The following DACH1 variants were observed in gnomAD, a reference collection of about 807,000 sequenced individuals.
DACH1 encodes the protein dachshund homolog 1.
A neutral mutation model predicts 54.2 loss-of-function variants in DACH1; 12 were observed. That is an observed-to-expected ratio of 0.22 (90% CI 0.14 to 0.36). The LOEUF (loss-of-function observed/expected upper bound fraction) is 0.36. Among genes scored for constraint, DACH1 ranks in the 10% least tolerant of loss-of-function variants. DACH1 has a pLI of 1.00. For missense variants in DACH1, 805 were observed against 929.8 expected (o/e 0.87, Z 1.75); for synonymous variants, 386 against 366.2 (o/e 1.05, Z -0.62).
chr13:71,704,835 T>C (rs1442984265), intron 1 of DACH1, among the ~76,000 whole-genome samples: 2 of 152,108 alleles, frequency 1.3e-5, no homozygotes, highest in African/African-American at 4.8e-5. Context: ...CTGAAAGACA[T>C]GAGGTGGCTT....
chr13:71,727,277 A>G (rs1364467716), intron 1 of DACH1, among the ~76,000 whole-genome samples: 1 of 152,080 alleles, frequency 6.6e-6, no homozygotes. Context: ...TTTCCCTTGG[A>G]GCTGCCTGCT....
At chr13:71,769,613 A>G (rs1405344715) in intron 1 of DACH1, among the ~76,000 whole-genome samples, 1 of 151,698 alleles carries the variant, frequency 6.6e-6, no homozygotes. Context: ...GTAGTAAAAG[A>G]TACTTTTAAA....
At chr13:71,593,154 T>C (rs935035472) in intron 3 of DACH1, among the ~76,000 whole-genome samples, 9 of 152,162 alleles carry the variant, frequency 5.9e-5, no homozygotes, top group Non-Finnish European at 2.9e-5. Context: ...GGATTTATTT[T>C]TAATTTTATT....
chr13:71,562,883 G>A (rs1047850388), intron 4 of DACH1, among the ~76,000 whole-genome samples: 3 of 152,004 alleles, frequency 2.0e-5, no homozygotes, highest in African/African-American at 7.2e-5. Context: ...TAATTCAAAA[G>A]TTTAGTTGTG....
chr13:71,860,964 G>T (rs1016763815), intron 1 of DACH1, among the ~76,000 whole-genome samples: 1 of 151,884 alleles, frequency 6.6e-6, no homozygotes, highest in Non-Finnish European at 1.5e-5. Flanking sequence ...TGAATCACAC[G>T]TAGTAAATCG....
chr13:71,598,746 C>T (rs1454350270), intron 3 of DACH1, among the ~76,000 whole-genome samples: 1 of 152,168 alleles, frequency 6.6e-6, no homozygotes, highest in African/African-American at 2.4e-5. Flanking sequence ...TCAAATTGAA[C>T]TATCATTTAT....
chr13:71,644,538 A>G (rs1878136334), intron 2 of DACH1, among the ~76,000 whole-genome samples: 3 of 152,306 alleles, frequency 2.0e-5, no homozygotes, highest in South Asian at 2.1e-4. Context: ...CTGTGAGACA[A>G]GGAAGAAGCA....
intron 6 of DACH1, among the ~76,000 whole-genome samples, chr13:71,547,064 CT>C (rs1434568507): frequency 6.6e-6 from 1 of 152,016 alleles, no homozygotes; most frequent in African/African-American, 2.4e-5. Flanking sequence ...ACTGCTCGCC[CT>C]TGCACAGTCC....
intron 3 of DACH1, among the ~76,000 whole-genome samples, chr13:71,582,985 T>G (rs1872955278): frequency 6.6e-6 from 1 of 152,202 alleles, no homozygotes; most frequent in African/African-American, 2.4e-5. Context: ...AACTCTTCTG[T>G]AGATTGCCAT....
intron 1 of DACH1, among the ~76,000 whole-genome samples, chr13:71,862,552 C>T (rs1874427370): frequency 6.6e-6 from 1 of 151,870 alleles, no homozygotes; most frequent in East Asian, 1.9e-4. Flanking sequence ...CTTTACATTT[C>T]TTTCATGTTT....
intron 1 of DACH1, among the ~76,000 whole-genome samples, chr13:71,815,521 T>G (rs959046508): frequency 4.6e-5 from 7 of 152,126 alleles, no homozygotes; most frequent in African/African-American, 1.7e-4. Context: ...GAAAGACAAC[T>G]GGGCATTTCA....
intron 1 of DACH1, among the ~76,000 whole-genome samples, chr13:71,714,319 CG>C (rs1566452531): frequency 6.6e-6 from 1 of 151,370 alleles, no homozygotes; most frequent in African/African-American, 2.4e-5. Flanking sequence ...AACGAAGAAA[CG>C]GGGACAATTA....
At chr13:71,628,968 A>G (rs911148910) in intron 3 of DACH1, among the ~76,000 whole-genome samples, 4 of 152,076 alleles carry the variant, frequency 2.6e-5, no homozygotes, top group African/African-American at 9.7e-5. Flanking sequence ...CTTCATGAAC[A>G]GCCTCCTTTT....
Position 71,866,004 on chromosome 13 carries a change from C to A in DACH1, c.766G>T (p.Ala256Ser). 6.2e-7 allele frequency: 1 copy of A among 1,613,984 alleles called. No homozygotes were observed. The highest frequency in any genetic ancestry group is 8.5e-7 in the Non-Finnish European group (1 of 1,179,990). ...CAGCGGTTCACTCCTGGCTGGATGG[C>A]GCCCAGTCCCCTCAGGATGCGAACT... ...EQVRILRGLG[A>S]IQPGVNRCKL... Residue 256 changes from alanine (A) to serine (S), a missense_variant, in exon 1 of 11, where the codon GCC (alanine) becomes TCC (serine). By Grantham distance (99) the Ala-to-Ser change is moderately conservative (BLOSUM62 1). Transcript: ENST00000613252.
At chr13:71,859,960 C>T (rs1015052752) in intron 1 of DACH1, among the ~76,000 whole-genome samples, 4 of 151,784 alleles carry the variant, frequency 2.6e-5, no homozygotes, top group Admixed American at 6.6e-5. Context: ...TCTGCTGTGC[C>T]TGAGATGTAC....
intron 1 of DACH1, among the ~76,000 whole-genome samples, chr13:71,834,109 TTAA>T: frequency 6.6e-6 from 1 of 152,186 alleles, no homozygotes; most frequent in Non-Finnish European, 1.5e-5. Flanking sequence ...CCAAGGACTC[TTAA>T]TAAAATGGAC....
At chr13:71,711,841 C>T (rs1882736903) in intron 1 of DACH1, among the ~76,000 whole-genome samples, 1 of 152,078 alleles carries the variant, frequency 6.6e-6, no homozygotes, top group African/African-American at 2.4e-5. Flanking sequence ...CATTGTCTGA[C>T]TCATTTAAAT....
intron 1 of DACH1, among the ~76,000 whole-genome samples, chr13:71,804,307 T>A (rs1396223769): frequency 6.6e-6 from 1 of 152,118 alleles, no homozygotes; most frequent in Admixed American, 6.6e-5. Context: ...GGTGAGACCT[T>A]GTCTCAGAGA....
At chr13:71,544,391 T>C (rs1268924974) in intron 6 of DACH1, among the ~76,000 whole-genome samples, 1 of 152,168 alleles carries the variant, frequency 6.6e-6, no homozygotes, top group African/African-American at 2.4e-5. Flanking sequence ...TACAACAATG[T>C]CCTACGTCCT....
Sources: allele counts gnomAD v4.1 joint callset (sites outside exome capture counted in the v4.1 genomes callset), GRCh38; gene constraint gnomAD v4.1.1; transcripts MANE v1.5; gene names NCBI Gene and HGNC (gene_info 2026-07-23, HGNC 2026-07-21).